The following SEMA3A variants were observed in gnomAD, a reference collection of about 807,000 sequenced individuals.
SEMA3A encodes semaphorin-3A.
A neutral mutation model predicts 97.9 loss-of-function variants in SEMA3A; 29 were observed. That is an observed-to-expected ratio of 0.30 (90% CI 0.22 to 0.40). The LOEUF (loss-of-function observed/expected upper bound fraction) is 0.40. SEMA3A is among the 10% of genes least tolerant of loss of function. SEMA3A has a pLI of 1.00. For missense variants in SEMA3A, 763 were observed against 951.3 expected (o/e 0.80, Z 2.60); for synonymous variants, 321 against 323.7 (o/e 0.99, Z 0.09).
intron 12 of SEMA3A, among the ~76,000 whole-genome samples, chr7:83,996,504 T>G (rs187524579): frequency 6.6e-6 from 1 of 152,226 alleles, no homozygotes; most frequent in Non-Finnish European, 1.5e-5. Context: ...GGTTTCATTA[T>G]GTTGGTCAGG....
chr7:83,990,805 C>T (rs1562958432), intron 12 of SEMA3A, among the ~76,000 whole-genome samples: 1 of 113,134 alleles, frequency 8.8e-6, no homozygotes, highest in Non-Finnish European at 1.8e-5. Flanking sequence ...GACGCAGGCT[C>T]TTTTTTGGTT....
At chr7:84,261,998 T>C (rs1799868077) in intron 3 of SEMA3A, among the ~76,000 whole-genome samples, 1 of 152,242 alleles carries the variant, frequency 6.6e-6, no homozygotes, top group Non-Finnish European at 1.5e-5. Context: ...CAGGACCCTT[T>C]TGAAGCAAAA....
At chr7:84,339,641 G>A (rs1802115891) in intron 2 of SEMA3A, among the ~76,000 whole-genome samples, 7 of 152,124 alleles carry the variant, frequency 4.6e-5, no homozygotes, top group Admixed American at 4.6e-4. Context: ...AAGAATATAA[G>A]TGTGGTTATT....
intron 2 of SEMA3A, among the ~76,000 whole-genome samples, chr7:84,339,757 A>G (rs761563730): frequency 6.6e-6 from 1 of 152,176 alleles, no homozygotes; most frequent in Non-Finnish European, 1.5e-5. Context: ...AGTAAGAAGA[A>G]TTCTGTGAAG....
At chr7:84,200,018 C>A (rs557706805), upstream of SEMA3A, among the ~76,000 whole-genome samples, 1 of 152,078 alleles carries the variant, frequency 6.6e-6, no homozygotes, top group South Asian at 2.1e-4. Context: ...AAAGAGAATT[C>A]AATCTGTAGG....
At chr7:84,172,366 A>G (rs1023780054) in intron 1 of SEMA3A, among the ~76,000 whole-genome samples, 29 of 152,190 alleles carry the variant, frequency 1.9e-4, no homozygotes, top group Admixed American at 1.8e-3. Context: ...TGAATTTCAT[A>G]TAATTTTCAT....
intron 1 of SEMA3A, among the ~76,000 whole-genome samples, chr7:84,436,220 T>C (rs1254074527): frequency 6.6e-6 from 1 of 152,146 alleles, no homozygotes; most frequent in Non-Finnish European, 1.5e-5. Flanking sequence ...CATTAAACTA[T>C]AAGAATCCTA....
chr7:84,275,881 T>C (rs1490206034), intron 3 of SEMA3A, among the ~76,000 whole-genome samples: 2 of 152,112 alleles, frequency 1.3e-5, no homozygotes, highest in African/African-American at 4.8e-5. Context: ...GATATATAAA[T>C]GTTTAGTGTG....
Position 84,367,147 on chromosome 7 carries a change from T to C in SEMA3A, c.-169+4677A>G, listed in dbSNP as rs17158953. ...AGGGTCAGCAAGGCCCCTCTAGGAA[T>C]TGGGGCTAGAGTAGAAGTAAGAAAG... On this transcript the variant is annotated intron_variant, in intron 2 of 3. Transcript: ENST00000424555. 0.014 allele frequency among the ~76,000 whole-genome samples: 2,072 copies of C among 151,324 alleles called. 89 individuals are homozygous for C. In the East Asian group the frequency reaches 0.15, roughly 11 times the overall value.
At chr7:84,492,195 G>A (rs1235165088) in intron 1 of SEMA3A, among the ~76,000 whole-genome samples, 2 of 151,904 alleles carry the variant, frequency 1.3e-5, no homozygotes, top group Admixed American at 6.6e-5. Flanking sequence ...CAGTTAATAC[G>A]GCAAAATACA....
chr7:83,964,135 T>C (rs1041352580), intron 15 of SEMA3A, among the ~76,000 whole-genome samples: 5 of 152,190 alleles, frequency 3.3e-5, no homozygotes, highest in African/African-American at 4.8e-5. Flanking sequence ...TTACCCTTTA[T>C]GTAACCTCCT....
intron 3 of SEMA3A, among the ~76,000 whole-genome samples, chr7:84,285,609 CTTTG>C (rs1363586137): frequency 6.6e-6 from 1 of 151,926 alleles, no homozygotes; most frequent in East Asian, 1.9e-4. Flanking sequence ...TCATTTAATG[CTTTG>C]TTTGTTTTAC....
At position 84,063,459 on chromosome 7, in the gene SEMA3A, T is replaced by C. The variant is rs562557100; in HGVS notation, c.454-2901A>G. ...GCTGAGAGAAGAAGGCTTCAGACGA[T>C]CAAATTACTCTGAGCTACGGAAGGA... On this transcript the variant is annotated intron_variant, in intron 4 of 16. Coordinates refer to ENST00000265362, the MANE Select transcript of SEMA3A (RefSeq NM_006080.3). Among the ~76,000 whole-genome samples the C allele has an allele frequency of 4.6e-5, 7 of 150,770 alleles. No individual in the cohort carries two copies. The East Asian group carries it at 1.4e-3, about 30-fold the overall frequency.
chr7:84,490,238 A>C (rs927508553), intron 1 of SEMA3A, among the ~76,000 whole-genome samples: 1 of 151,606 alleles, frequency 6.6e-6, no homozygotes, highest in African/African-American at 2.4e-5. Flanking sequence ...AAAGACTATA[A>C]CACCACCACC....
intron 2 of SEMA3A, among the ~76,000 whole-genome samples, chr7:84,325,556 A>G (rs1801756214): frequency 6.6e-6 from 1 of 152,018 alleles, no homozygotes; most frequent in Non-Finnish European, 1.5e-5. Context: ...GGTCCAAGCT[A>G]GGTGACAGGT....
intron 3 of SEMA3A, among the ~76,000 whole-genome samples, chr7:84,116,270 T>C (rs1210192433): frequency 6.6e-6 from 1 of 152,184 alleles, no homozygotes. Context: ...GTTTGTGACA[T>C]AGACACTGAT....
chr7:84,353,530 G>A (rs1459792935), intron 2 of SEMA3A, among the ~76,000 whole-genome samples: 2 of 151,686 alleles, frequency 1.3e-5, no homozygotes, highest in Non-Finnish European at 3.0e-5. Context: ...ATACTTTCCA[G>A]ATGCATAATC....
chr7:84,471,391 A>C lies in SEMA3A; in HGVS notation c.-246+21069T>G, dbSNP rs533272541. 2.0e-5 allele frequency among the ~76,000 whole-genome samples: 3 copies of C among 152,282 alleles called. No individual in the cohort carries two copies. In the East Asian group the frequency reaches 5.8e-4, roughly 29 times the overall value. On this transcript the variant is annotated intron_variant, in intron 1 of 3. Transcript: ENST00000424555. ...GACACATAAAGCTTTAAAAGGACGT[A>C]AGGACATCCCTAAAGGAGATATTTA...
At chr7:84,023,330 C>T (rs73376849) in intron 6 of SEMA3A, among the ~76,000 whole-genome samples, 7,657 of 152,214 alleles carry the variant, frequency 0.05, 650 homozygotes, top group African/African-American at 0.17. Context: ...CTGGACCTAT[C>T]CCTTCCACCA....
Sources: gnomAD v4.1 joint callset for allele counts (sites outside exome capture counted in the v4.1 genomes callset) on GRCh38, gnomAD v4.1.1 for gene constraint, MANE v1.5 for transcripts, NCBI Gene and HGNC (gene_info 2026-07-23, HGNC 2026-07-21) for gene names.